The following RASA1 variants were observed in gnomAD, a reference collection of about 807,000 sequenced individuals.
RASA1 encodes the protein ras GTPase-activating protein 1.
A neutral mutation model predicts 132.2 loss-of-function variants in RASA1; 25 were observed. The observed-to-expected ratio is 0.19, with a 90% CI of 0.14 to 0.26. The LOEUF (loss-of-function observed/expected upper bound fraction) is 0.26, where lower values mean the gene tolerates loss of function less well. RASA1 is among the 10% of genes least tolerant of loss of function. The probability of loss-of-function intolerance (pLI) is 1.00; values close to 1 mark genes in which losing one functional copy is unlikely to be tolerated. For synonymous variants in RASA1, 477 were observed against 449.9 expected, an observed-to-expected ratio of 1.06 and a Z score of -0.76; for missense variants, 964 against 1,299.2, an observed-to-expected ratio of 0.74 and a Z score of 3.97.
At chr5:87,291,431 C>T (rs1460209140) in intron 1 of RASA1, among the ~76,000 whole-genome samples, 6 of 152,008 alleles carry the variant, frequency 3.9e-5, no homozygotes, top group East Asian at 1.9e-4. Context: ...CTCAGGAGAC[C>T]GAGTGGGGAG....
At chr5:87,320,980 T>C (rs774820164) in intron 1 of RASA1, among the ~76,000 whole-genome samples, 9 of 152,216 alleles carry the variant, frequency 5.9e-5, no homozygotes, top group African/African-American at 1.2e-4. Flanking sequence ...TTATTTGTTA[T>C]TGAATAGCAA....
chr5:87,389,348 A>C, intron 23 of RASA1, 45 bp from the exon 24 acceptor site: 1 of 1,611,178 alleles, frequency 6.2e-7, no homozygotes, highest in Non-Finnish European at 8.5e-7. Context: ...AACAAAAAAA[A>C]AGAAGATTTG....
At chr5:87,287,034 A>G (rs1388497009) in intron 1 of RASA1, among the ~76,000 whole-genome samples, 1 of 148,596 alleles carries the variant, frequency 6.7e-6, no homozygotes, top group East Asian at 1.9e-4. Flanking sequence ...TATACCATAT[A>G]TATACACACC....
Position 87,378,413 on chromosome 5 carries a change from T to C in RASA1, c.2362T>C (p.Phe788Leu). ...ISMEDEATTLFRATTLASTLM... is the reference protein window; with the variant it reads ...ISMEDEATTLLRATTLASTLM... ...TTGTGTAGATGAAGCCACTACCCTATTTCGAGCCACAACACTTGCAAGCAC... is the reference window on the plus strand; with the variant it reads ...TTGTGTAGATGAAGCCACTACCCTACTTCGAGCCACAACACTTGCAAGCAC... Residue 788 changes from phenylalanine (F) to leucine (L), a missense_variant, in exon 18 of 25, where the codon TTT (phenylalanine) becomes CTT (leucine). Phe to Leu is a conservative substitution (Grantham distance 22). Around this residue, in one of 6 missense-constraint regions of RASA1, gnomAD observed 346 missense variants for 520.1 expected, o/e 0.67. Coordinates refer to ENST00000274376, the MANE Select transcript of RASA1 (RefSeq NM_002890.3). 1 of 1,613,164 alleles carries C rather than the reference T, an allele frequency of 6.2e-7. No individual in the cohort carries two copies.
chr5:87,277,258 T>C (rs937382656), intron 1 of RASA1, among the ~76,000 whole-genome samples: 1 of 152,162 alleles, frequency 6.6e-6, no homozygotes, highest in East Asian at 1.9e-4. Context: ...CAGATAAAAC[T>C]TAACGTACTT....
chr5:87,315,936 TA>T (rs1398604026), intron 1 of RASA1, among the ~76,000 whole-genome samples: 1 of 152,200 alleles, frequency 6.6e-6, no homozygotes, highest in Non-Finnish European at 1.5e-5. Flanking sequence ...GGAATTGCAA[TA>T]AAAATTTTTC....
intron 1 of RASA1, chr5:87,330,879 GT>G: frequency 9.3e-7 from 1 of 1,070,898 alleles, no homozygotes. Flanking sequence ...GTGTAATTCT[GT>G]TTTCCTGTCG....
chr5:87,325,279 G>A (rs1426904279), intron 1 of RASA1, among the ~76,000 whole-genome samples: 1 of 152,132 alleles, frequency 6.6e-6, no homozygotes, highest in Admixed American at 6.6e-5. Context: ...CCACCGGGTC[G>A]GGTCCCACCC....
In RASA1 at chr5:87,267,941, C is replaced by G. The variant is rs956646179; in HGVS notation, c.-511C>G. On this transcript the variant is annotated 5_prime_UTR_variant, in exon 1 of 25. Coordinates refer to ENST00000274376, the MANE Select transcript of RASA1 (RefSeq NM_002890.3). ...GTCGATTTCCTCGTTACCCCGCCCC[C>G]CTTTCTCTTGCCCCCCCACCCCTCT... The G allele has an allele frequency of 4.6e-5, 18 of 392,320 alleles. No homozygotes were observed. The highest frequency in any genetic ancestry group is 1.5e-4 in the African/African-American group (7 of 47,846). 24.3% of individuals were successfully genotyped at this position (392,320 alleles called of 1,614,324 possible).
At chr5:87,344,781 A>C (rs1758732503) in intron 6 of RASA1, among the ~76,000 whole-genome samples, 1 of 151,294 alleles carries the variant, frequency 6.6e-6, no homozygotes, top group South Asian at 2.1e-4. Context: ...GGCCTTCCAA[A>C]GTGTTGGGAT....
In RASA1 at chr5:87,361,000, A is replaced by G. The variant is rs530068739; in HGVS notation, c.1333-1551A>G. Among the ~76,000 whole-genome samples, 6 of 152,340 alleles carry G rather than the reference A, an allele frequency of 3.9e-5. No individual in the cohort carries two copies. In the South Asian group the frequency reaches 1.2e-3, roughly 32 times the overall value. ...TTATGTTTTTACAAAAGATGCCGCA[A>G]TACTTTGCAACACAGTTACACACAC... On this transcript the variant is annotated intron_variant, in intron 9 of 24. Coordinates refer to ENST00000274376, the MANE Select transcript of RASA1 (RefSeq NM_002890.3).
At chr5:87,287,500 CAT>C (rs1261377862) in intron 1 of RASA1, among the ~76,000 whole-genome samples, 12 of 139,652 alleles carry the variant, frequency 8.6e-5, no homozygotes, top group South Asian at 4.6e-4. Flanking sequence ...ATATATACAC[CAT>C]ATATATACCC....
chr5:87,278,748 G>A (rs1754178856), intron 1 of RASA1, among the ~76,000 whole-genome samples: 1 of 151,828 alleles, frequency 6.6e-6, no homozygotes, highest in Admixed American at 6.6e-5. Context: ...GATATATTTA[G>A]TATTTAGTTC....
At chr5:87,362,785 C>A in intron 10 of RASA1, 114 bp downstream of exon 10, 1 of 1,262,858 alleles carries the variant, frequency 7.9e-7, no homozygotes, top group Non-Finnish European at 1.1e-6. Flanking sequence ...TAGTAATTGA[C>A]ACTTGTTTAG....
intron 15 of RASA1, 86 bp downstream of exon 15, chr5:87,375,002 T>C: frequency 6.7e-7 from 1 of 1,484,844 alleles, no homozygotes; most frequent in Non-Finnish European, 9.0e-7. Flanking sequence ...AAAATAGAAA[T>C]TAAAAAAACA....
intron 7 of RASA1, among the ~76,000 whole-genome samples, chr5:87,347,920 A>AAT (rs1758978833): frequency 1.3e-5 from 2 of 152,000 alleles, no homozygotes; most frequent in South Asian, 4.1e-4. Flanking sequence ...AAGGTTGAAA[A>AAT]GGAGCTAAAC....
Position 87,346,731 on chromosome 5 carries a change from A to G in RASA1, c.1102+7A>G. On this transcript the variant is annotated splice_region_variant and intron_variant, in intron 7 of 24. Transcript: ENST00000274376. ...TATAATTTACTAATGACAGGTACTT[A>G]CATATTTACTTGCTTTTCTAATGTC... 6.5e-7 allele frequency: 1 copy of G among 1,533,114 alleles called. No homozygotes were observed. Among genetic ancestry groups the G allele is most frequent in the Non-Finnish European group, 9.0e-7 (1 of 1,108,778 alleles). The allele number at this position is 1,533,114 out of a possible 1,614,324, so 95.0% of individuals were successfully genotyped here. A position where few individuals can be genotyped will look rare whatever the true frequency, so the allele number is the denominator to read the frequency against.
intron 1 of RASA1, among the ~76,000 whole-genome samples, chr5:87,289,482 T>C (rs1010291757): frequency 5.9e-5 from 9 of 152,206 alleles, no homozygotes; most frequent in Non-Finnish European, 8.8e-5. Context: ...ATTTGTAATT[T>C]CGTTGAAATT....
At chr5:87,354,190 A>C (rs1406351222) in intron 9 of RASA1, among the ~76,000 whole-genome samples, 1 of 152,104 alleles carries the variant, frequency 6.6e-6, no homozygotes, top group African/African-American at 2.4e-5. Context: ...GATAAATTCA[A>C]GAATCATAAT....
Sources: gnomAD v4.1 joint callset for allele counts (sites outside exome capture counted in the v4.1 genomes callset) on GRCh38, gnomAD v4.1.1 for gene constraint, gnomAD v4.1.1 regional missense constraint, MANE v1.5 for transcripts, NCBI Gene and HGNC (gene_info 2026-07-23, HGNC 2026-07-21) for gene names.